The following ATAD2B variants were observed in gnomAD, a reference collection of about 807,000 sequenced individuals.
ATAD2B encodes ATPase family AAA domain containing 2B, also known as ATPase family AAA domain-containing protein 2B.
In ATAD2B, 40 loss-of-function variants were observed where a neutral mutation model predicts 167.6. The ratio of observed to expected loss-of-function variants is 0.24; its 90% CI spans 0.19 to 0.31. ATAD2B has a LOEUF of 0.31. ATAD2B is among the 10% of genes least tolerant of loss of function. ATAD2B has a pLI of 1.00. For synonymous variants in ATAD2B, 579 were observed against 596.5 expected (o/e 0.97, Z 0.43); for missense variants, 1,242 against 1,757.2 (o/e 0.71, Z 5.24).
At chr2:23,839,709 C>G (rs1558637700) in intron 13 of ATAD2B, among the ~76,000 whole-genome samples, 1 of 152,040 alleles carries the variant, frequency 6.6e-6, no homozygotes, top group Non-Finnish European at 1.5e-5. Context: ...TTTTCTCATA[C>G]CAAGTTTTAT....
intron 12 of ATAD2B, 133 bp downstream of exon 12, chr2:23,863,248 G>T: frequency 1.2e-6 from 1 of 819,038 alleles, no homozygotes. Flanking sequence ...TGTCAAGACA[G>T]TAGTGAGACG....
intron 16 of ATAD2B, among the ~76,000 whole-genome samples, chr2:23,822,059 AC>A (rs1406584578): frequency 1.3e-5 from 2 of 152,210 alleles, no homozygotes; most frequent in African/African-American, 4.8e-5. Context: ...GTTCTTATTT[AC>A]TCCCTTACCA....
the ATAD2B span, among the ~76,000 whole-genome samples, chr2:23,699,404 G>C: frequency 6.6e-6 from 1 of 152,218 alleles, no homozygotes; most frequent in Non-Finnish European, 1.5e-5. Context: ...CCTGCTGGGA[G>C]GGCCTAAGTA....
At chr2:23,738,067 A>G in the ATAD2B span, among the ~76,000 whole-genome samples, 1 of 152,318 alleles carries the variant, frequency 6.6e-6, no homozygotes, top group South Asian at 2.1e-4. Context: ...CCAAATCTAC[A>G]TCTGATTGGT....
intron 17 of ATAD2B, among the ~76,000 whole-genome samples, chr2:23,817,514 A>G (rs933276989): frequency 5.3e-5 from 8 of 152,230 alleles, no homozygotes; most frequent in African/African-American, 1.9e-4. Flanking sequence ...CCAGACTTCC[A>G]GCAGAATTAG....
chr2:23,703,363 C>A, the ATAD2B span: 2 of 1,510,638 alleles, frequency 1.3e-6, no homozygotes, highest in Non-Finnish European at 1.8e-6. Context: ...GGAGCTTCAT[C>A]GAGTCCCCAA....
At chr2:23,814,200 A>G (rs1381736230) in intron 17 of ATAD2B, among the ~76,000 whole-genome samples, 1 of 152,208 alleles carries the variant, frequency 6.6e-6, no homozygotes, top group African/African-American at 2.4e-5. Flanking sequence ...AAAAACCTCC[A>G]TGGGCAAAGG....
intron 24 of ATAD2B, among the ~76,000 whole-genome samples, 191 bp downstream of exon 24, chr2:23,762,017 GA>G (rs1676806280): frequency 6.6e-6 from 1 of 152,088 alleles, no homozygotes. Context: ...AATAGGGATA[GA>G]AAATAACAAA....
chr2:23,783,141 A>G (rs765700769), intron 21 of ATAD2B, 113 bp from the exon 22 acceptor site: 56 of 528,516 alleles, frequency 1.1e-4, no homozygotes, highest in Non-Finnish European at 1.4e-4. Context: ...TATCAAATAA[A>G]TAATTTATAA....
chr2:23,760,426 CGAGGCTGACG>C (rs1353663079), intron 24 of ATAD2B, among the ~76,000 whole-genome samples: 1 of 151,828 alleles, frequency 6.6e-6, no homozygotes, highest in Non-Finnish European at 1.5e-5. Context: ...TTTGGGAGGC[CGAGGCTGACG>C]GATCACTTGA....
chr2:23,693,210 A>G, the ATAD2B span: 4 of 1,500,480 alleles, frequency 2.7e-6, no homozygotes, highest in African/African-American at 5.5e-5. Context: ...CAGCAATGGG[A>G]ACAGGTGGCA....
At chr2:23,885,935 A>G (rs1482792989) in intron 4 of ATAD2B, 106 bp from the exon 5 acceptor site, 1 of 657,648 alleles carries the variant, frequency 1.5e-6, no homozygotes, top group African/African-American at 1.9e-5. Flanking sequence ...GTAACTACAC[A>G]CAACTTTTTT....
intron 1 of ATAD2B, among the ~76,000 whole-genome samples, chr2:23,923,051 G>C (rs909419369): frequency 1.3e-5 from 2 of 152,178 alleles, no homozygotes; most frequent in African/African-American, 4.8e-5. Context: ...ACGGACATCT[G>C]CACTTCCATG....
In ATAD2B at chr2:23,809,705, C is replaced by A. The variant is rs535690260; in HGVS notation, c.2454+611G>T. Among the ~76,000 whole-genome samples, 17 of 152,124 alleles carry A rather than the reference C, an allele frequency of 1.1e-4. No individual in the cohort carries two copies. The South Asian group carries it at 3.5e-3, about 32-fold the overall frequency. ...TTACAAAAATGGCTTAGATATGGTC[C>A]CTTGGCTCAAAAAATGTATTAACCT... On this transcript the variant is annotated intron_variant, in intron 18 of 27. Transcript: ENST00000238789.
chr2:23,791,445 G>C (rs759010754), intron 19 of ATAD2B, among the ~76,000 whole-genome samples: 2 of 150,904 alleles, frequency 1.3e-5, no homozygotes, highest in African/African-American at 2.4e-5. Flanking sequence ...TTTGATTACA[G>C]CTATTAGGTT....
chr2:23,926,748 G>T lies in ATAD2B; in HGVS notation c.23C>A (p.Ser8Tyr). ...AGACTTGGACCCGAGAAGGCGGAGA[G>T]AGCTCTTCCGGGTGTTCACCATGGT... MVNTRKS[S>Y]LRLLGSKSPG... Residue 8 changes from serine (S) to tyrosine (Y), a missense_variant, in exon 1 of 28, where the codon TCT becomes TAT. Physicochemically the swap from Ser to Tyr is moderately radical, Grantham distance 144. Transcript: ENST00000238789. The T allele has an allele frequency of 6.5e-7, 1 of 1,546,824 alleles. No individual in the cohort carries two copies. The highest frequency in any genetic ancestry group is 1.2e-5 in the South Asian group (1 of 83,810).
At chr2:23,701,750 T>C in the ATAD2B span, among the ~76,000 whole-genome samples, 1 of 149,110 alleles carries the variant, frequency 6.7e-6, no homozygotes, top group African/African-American at 2.5e-5. Context: ...GCACTCTAGA[T>C]AAAGCCCAAC....
At chr2:23,834,444 G>A (rs759321848) in intron 13 of ATAD2B, among the ~76,000 whole-genome samples, 47 of 152,048 alleles carry the variant, frequency 3.1e-4, no homozygotes, top group Non-Finnish European at 1.3e-4. Context: ...TTACGGACGT[G>A]AGCCATGGTA....
the ATAD2B span, among the ~76,000 whole-genome samples, chr2:23,713,684 C>T: frequency 7.2e-5 from 11 of 152,228 alleles, no homozygotes; most frequent in African/African-American, 2.4e-4. Context: ...CTTGTGTTTC[C>T]GGCTTCTTTC....
Sources: gnomAD v4.1 joint callset for allele counts (sites outside exome capture counted in the v4.1 genomes callset) on GRCh38, gnomAD v4.1.1 for gene constraint, MANE v1.5 for transcripts, NCBI Gene and HGNC (gene_info 2026-07-23, HGNC 2026-07-21) for gene names.